The following RNF217 variants were observed in gnomAD, a reference collection of about 807,000 sequenced individuals.
RNF217 encodes ring finger protein 217.
In RNF217, 31 loss-of-function variants were observed where a neutral mutation model predicts 57.8. That is an observed-to-expected ratio of 0.54 (90% CI 0.40 to 0.72). The LOEUF (loss-of-function observed/expected upper bound fraction) is 0.72. Ranked by LOEUF, RNF217 falls within the 30% of genes least tolerant of loss-of-function variation. The pLI is 0.00. For missense variants in RNF217, 696 were observed against 708.3 expected, an observed-to-expected ratio of 0.98 and a Z score of 0.20; for synonymous variants, 313 against 294.0, an observed-to-expected ratio of 1.06 and a Z score of -0.66.
intron 1 of RNF217, among the ~76,000 whole-genome samples, chr6:125,027,653 C>G (rs1269006889): frequency 6.6e-6 from 1 of 152,062 alleles, no homozygotes; most frequent in African/African-American, 2.4e-5. Context: ...GACTTCCTCT[C>G]TTTTGGGTAT....
At chr6:124,980,131 TTGTTTGTTTTTAA>T (rs1784109134) in intron 1 of RNF217, among the ~76,000 whole-genome samples, 1 of 152,174 alleles carries the variant, frequency 6.6e-6, no homozygotes, top group Admixed American at 6.5e-5. Flanking sequence ...GATTTTTTGT[TTGTTTGTTTTTAA>T]TGTTTGGTTT....
At chr6:124,999,595 G>T (rs968177209) in intron 1 of RNF217, among the ~76,000 whole-genome samples, 1 of 152,052 alleles carries the variant, frequency 6.6e-6, no homozygotes, top group African/African-American at 2.4e-5. Flanking sequence ...GTCAAGCCAG[G>T]TGATCTATCT....
At chr6:125,006,999 G>A (rs1785208100) in intron 1 of RNF217, among the ~76,000 whole-genome samples, 1 of 152,146 alleles carries the variant, frequency 6.6e-6, no homozygotes, top group Non-Finnish European at 1.5e-5. Flanking sequence ...ATATAGCTTT[G>A]TCTGTTTTTT....
intron 1 of RNF217, among the ~76,000 whole-genome samples, chr6:125,003,654 C>T (rs2114301244): frequency 6.6e-6 from 1 of 152,002 alleles, no homozygotes; most frequent in African/African-American, 2.4e-5. Flanking sequence ...TTAATCATTC[C>T]ACAATATATA....
chr6:125,063,332 A>ATTTAT (rs1344925316), intron 3 of RNF217, among the ~76,000 whole-genome samples: 1 of 152,174 alleles, frequency 6.6e-6, no homozygotes, highest in Non-Finnish European at 1.5e-5. Context: ...CTAAATTGTA[A>ATTTAT]TTTATTTTAT....
At chr6:124,981,429 A>G (rs1179882470) in intron 1 of RNF217, among the ~76,000 whole-genome samples, 1 of 152,196 alleles carries the variant, frequency 6.6e-6, no homozygotes, top group East Asian at 1.9e-4. Context: ...AAGACATGAG[A>G]CATCAATCAG....
chr6:125,018,767 C>G (rs1785706728), intron 1 of RNF217, among the ~76,000 whole-genome samples: 1 of 152,150 alleles, frequency 6.6e-6, no homozygotes, highest in Non-Finnish European at 1.5e-5. Context: ...ACCCTCCTCA[C>G]CTCTCTTGAC....
rs1441600647 is a variant in RNF217, at chr6:125,083,181, T to C, written c.*244T>C. ...GTCACTTTCATAAACTATAAACATC[T>C]ATATCATAACTCTGACCTTTGTGGT... is the stretch of plus-strand genomic sequence containing the variant. On this transcript the variant is annotated 3_prime_UTR_variant, in exon 6 of 6. Coordinates refer to ENST00000521654, the MANE Select transcript of RNF217 (RefSeq NM_001286398.3). 5.5e-6 allele frequency: 2 copies of C among 366,340 alleles called. No homozygotes were observed. The highest frequency in any genetic ancestry group is 9.7e-6 in the Non-Finnish European group (2 of 206,288). 22.7% of individuals were successfully genotyped at this position (366,340 alleles called of 1,614,324 possible).
At position 125,088,377 on chromosome 6, in the gene RNF217, A is replaced by G. The variant is rs192725717; in HGVS notation, c.*5440A>G. On this transcript the variant is annotated 3_prime_UTR_variant, in exon 6 of 6. Transcript: ENST00000521654. Reference sequence around the variant, plus strand: ...TTGAAACTCTGATTTTGAAAATAGAACAAATACACATTTCATAGCCAAACT... The same window carrying G: ...TTGAAACTCTGATTTTGAAAATAGAGCAAATACACATTTCATAGCCAAACT... The G allele has an allele frequency of 6.6e-6, 1 of 152,234 alleles. No homozygotes were observed. The highest frequency in any genetic ancestry group is 1.9e-4 in the East Asian group (1 of 5,178). 9.4% of individuals were successfully genotyped at this position (152,234 alleles called of 1,614,324 possible). A position where few individuals can be genotyped will look rare whatever the true frequency, so the allele number is the denominator to read the frequency against.
At chr6:125,011,963 TG>T (rs1785430861) in intron 1 of RNF217, among the ~76,000 whole-genome samples, 1 of 152,116 alleles carries the variant, frequency 6.6e-6, no homozygotes, top group Admixed American at 6.6e-5. Flanking sequence ...CAGGAGGGGC[TG>T]GCCAGATGCA....
At chr6:124,999,557 T>C (rs1784891827) in intron 1 of RNF217, among the ~76,000 whole-genome samples, 1 of 152,176 alleles carries the variant, frequency 6.6e-6, no homozygotes, top group Non-Finnish European at 1.5e-5. Context: ...TAGACTGTAG[T>C]TCTGCCAGAG....
rs1207171328 is a variant in RNF217, at chr6:125,086,190, G to A, written c.*3253G>A. 2 of 151,610 alleles carry A rather than the reference G, an allele frequency of 1.3e-5. No homozygotes were observed. The highest frequency in any genetic ancestry group is 6.6e-5 in the Admixed American group (1 of 15,216). 9.4% of individuals were successfully genotyped at this position (151,610 alleles called of 1,614,324 possible). ...TAGAGATAATATGAGACCCTTTTTT[G>A]GATAAAAAGAAAGATTGTACAGGAG... On this transcript the variant is annotated 3_prime_UTR_variant, in exon 6 of 6. Transcript: ENST00000521654.
rs1788693904 is a variant in RNF217, at chr6:125,084,006, A to G, written c.*1069A>G. 1 of 152,088 alleles carries G rather than the reference A, an allele frequency of 6.6e-6. No individual in the cohort carries two copies. Among genetic ancestry groups the G allele is most frequent in the African/African-American group, 2.4e-5 (1 of 41,432 alleles). 9.4% of individuals were successfully genotyped at this position (152,088 alleles called of 1,614,324 possible). On this transcript the variant is annotated 3_prime_UTR_variant, in exon 6 of 6. Transcript: ENST00000521654. ...GCCTTTAAAAAATTCCTATTCTGCTAATTTTTTAACCAACTTGTAATTATA... is the reference window on the plus strand; with the variant it reads ...GCCTTTAAAAAATTCCTATTCTGCTGATTTTTTAACCAACTTGTAATTATA...
At chr6:125,053,155 A>G (rs1329218971) in intron 2 of RNF217, among the ~76,000 whole-genome samples, 1 of 152,058 alleles carries the variant, frequency 6.6e-6, no homozygotes, top group African/African-American at 2.4e-5. Flanking sequence ...CTGAACGCTT[A>G]TGTTCCAGCT....
chr6:125,044,402 T>C lies in RNF217; in HGVS notation c.883-809T>C, dbSNP rs7743211. On this transcript the variant is annotated intron_variant, in intron 1 of 5. Coordinates refer to ENST00000521654, the MANE Select transcript of RNF217 (RefSeq NM_001286398.3). ...TTAAAAATTAGTTGTGTCCACACTT[T>C]GTGCTTTAATCTTTTATTGTAATTT... Among the ~76,000 whole-genome samples the C allele has an allele frequency of 1.0e-2, 1,516 of 152,236 alleles. 20 individuals are homozygous for C. The highest frequency in any genetic ancestry group is 0.035 in the African/African-American group (1,449 of 41,560).
chr6:125,066,665 A>G (rs1227176754), intron 3 of RNF217, among the ~76,000 whole-genome samples: 2 of 152,056 alleles, frequency 1.3e-5, no homozygotes, highest in South Asian at 2.1e-4. Flanking sequence ...CATATGCCTT[A>G]TTTTTTCTCC....
At chr6:124,992,177 CT>C (rs35561609) in intron 1 of RNF217, among the ~76,000 whole-genome samples, 37,050 of 152,004 alleles carry the variant, frequency 0.24, 4,869 homozygotes, top group East Asian at 0.4. Context: ...AGTAGCAAGG[CT>C]GTAGAATGCT....
chr6:125,061,049 A>G (rs1043709080), intron 3 of RNF217, among the ~76,000 whole-genome samples: 6 of 152,206 alleles, frequency 3.9e-5, no homozygotes, highest in African/African-American at 1.4e-4. Context: ...TTGCTTAAAT[A>G]TTCCTCCACT....
intron 1 of RNF217, among the ~76,000 whole-genome samples, chr6:124,977,309 G>A (rs897713165): frequency 6.6e-6 from 1 of 152,182 alleles, no homozygotes; most frequent in Non-Finnish European, 1.5e-5. Context: ...ACAAGCAACA[G>A]TGCATACTTG....
Sources: allele counts gnomAD v4.1 joint callset (sites outside exome capture counted in the v4.1 genomes callset), GRCh38; gene constraint gnomAD v4.1.1; transcripts MANE v1.5; gene names NCBI Gene and HGNC (gene_info 2026-07-23, HGNC 2026-07-21).